NBN: variants seen among roughly 807,000 people sequenced by gnomAD.
NBN encodes Nijmegen breakage syndrome 1 (nibrin).
A neutral mutation model predicts 90.8 loss-of-function variants in NBN; 88 were observed. That is an observed-to-expected ratio of 0.97 (90% CI 0.82 to 1.16). The LOEUF (loss-of-function observed/expected upper bound fraction) is 1.16. NBN is among the 50% of genes most tolerant of loss of function. The pLI is 0.00. For synonymous variants in NBN, 328 were observed against 295.1 expected, an observed-to-expected ratio of 1.11 and a Z score of -1.14; for missense variants, 894 against 869.6, an observed-to-expected ratio of 1.03 and a Z score of -0.35.
In NBN at chr8:89,970,431, T is replaced by C. The variant is rs1563559349; in HGVS notation, c.829A>G (p.Asn277Asp). 2 of 1,614,054 alleles carry C rather than the reference T, an allele frequency of 1.2e-6. No homozygotes were observed. Among genetic ancestry groups the C allele is most frequent in the Non-Finnish European group, 8.5e-7 (1 of 1,179,936 alleles). ...GTCVVDTGIT[N>D]SQTLIPDCQK... is the part of the protein sequence containing the mutation. ...CAGTCAGGAATTAAGGTCTGTGAGT[T>C]TGTTATTCCTGTATCAACAACACAC... is the stretch of plus-strand genomic sequence containing the variant. The change falls in exon 7 of 16, where the codon AAC becomes GAC. Residue 277 changes from asparagine to aspartate, a missense_variant. Coordinates refer to ENST00000265433, the MANE Select transcript of NBN (RefSeq NM_002485.5).
At chr8:89,947,165 CTCTTA>C (rs1213075364) in intron 12 of NBN, among the ~76,000 whole-genome samples, 2 of 152,162 alleles carry the variant, frequency 1.3e-5, no homozygotes, top group African/African-American at 4.8e-5. Flanking sequence ...CCATCCATTA[CTCTTA>C]TCTGATATAA....
intron 14 of NBN, among the ~76,000 whole-genome samples, chr8:89,937,937 T>A (rs559144365): frequency 2.4e-3 from 359 of 152,308 alleles, no homozygotes; most frequent in Non-Finnish European, 4.0e-3. Flanking sequence ...AGTTAATTCC[T>A]TTTTTTCCCT....
intron 11 of NBN, among the ~76,000 whole-genome samples, chr8:89,949,405 T>C (rs1726047263): frequency 6.6e-6 from 1 of 152,212 alleles, no homozygotes; most frequent in African/African-American, 2.4e-5. Context: ...GAAAAAATGC[T>C]ATATAAAAAT....
intron 13 of NBN, 106 bp from the exon 14 acceptor site, chr8:89,943,472 A>G: frequency 8.7e-7 from 1 of 1,146,000 alleles, no homozygotes; most frequent in East Asian, 2.5e-5. Context: ...ATAAGTGCCA[A>G]AGATGTTTAT....
intron 11 of NBN, among the ~76,000 whole-genome samples, chr8:89,948,984 TTATCTTATATTCTTTCC>T (rs1267429309): frequency 6.6e-6 from 1 of 152,182 alleles, no homozygotes; most frequent in Non-Finnish European, 1.5e-5. Flanking sequence ...AGCTTGGAAA[TTATCTTATATTCTTTCC>T]TATCTATTTA....
chr8:89,950,712 G>A lies in NBN; in HGVS notation c.1845+2532C>T, dbSNP rs115286402. On this transcript the variant is annotated intron_variant, in intron 11 of 15. Transcript: ENST00000265433. Reference sequence around the variant, plus strand: ...TAAAATAATTATATTTCCTCATATCGTTATACCTCATATAAACCTTACATA... The same window carrying A: ...TAAAATAATTATATTTCCTCATATCATTATACCTCATATAAACCTTACATA... Among the ~76,000 whole-genome samples, 694 of 151,298 alleles carry A rather than the reference G, an allele frequency of 4.6e-3. 8 individuals are homozygous for A. Among genetic ancestry groups the A allele is most frequent in the African/African-American group, 0.016 (660 of 40,954 alleles).
intron 5 of NBN, among the ~76,000 whole-genome samples, chr8:89,977,573 C>T (rs1334925592): frequency 6.6e-6 from 1 of 152,050 alleles, no homozygotes; most frequent in Non-Finnish European, 1.5e-5. Context: ...GATTTTTAAT[C>T]CTTTGGGTAT....
intron 5 of NBN, among the ~76,000 whole-genome samples, chr8:89,974,755 T>C (rs1205392183): frequency 2.6e-5 from 4 of 152,166 alleles, no homozygotes; most frequent in African/African-American, 7.2e-5. Context: ...GAAGGAAACA[T>C]TACTTCATCC....
intron 5 of NBN, among the ~76,000 whole-genome samples, chr8:89,973,514 T>C (rs1033967397): frequency 6.6e-6 from 1 of 152,202 alleles, no homozygotes; most frequent in Non-Finnish European, 1.5e-5. Flanking sequence ...ATACCTACAT[T>C]TGATATATGA....
At chr8:89,966,902 G>C (rs889895929) in intron 7 of NBN, among the ~76,000 whole-genome samples, 5 of 152,110 alleles carry the variant, frequency 3.3e-5, no homozygotes, top group African/African-American at 7.2e-5. Context: ...CAGAATTCCA[G>C]ATAAGTTAAA....
rs761531329 is a variant in NBN at position 89,953,780 on chromosome 8, C to A, written c.1398-89G>T. ...GTTTGGCAATATTCATCACTCCCTC[C>A]ATTTAGTTCACAATGTACTCTTGAT... On this transcript the variant is annotated intron_variant, in intron 10 of 15. Coordinates refer to ENST00000265433, the MANE Select transcript of NBN (RefSeq NM_002485.5). The A allele has an allele frequency of 2.7e-4, 257 of 954,428 alleles. 1 individual carries two copies. Among genetic ancestry groups the A allele is most frequent in the Non-Finnish European group, 3.9e-4 (247 of 627,048 alleles). 59.1% of individuals were successfully genotyped at this position (954,428 alleles called of 1,614,324 possible). A position where few individuals can be genotyped will look rare whatever the true frequency, so the allele number is the denominator to read the frequency against.
Position 89,984,620 on chromosome 8 carries a change from G to T in NBN, c.-59C>A. ...AACCGCGTAACCGGGGCTGCTAGAC[G>T]AGCGCGGATACGGCGCCTGCGGTCG... On this transcript the variant is annotated 5_prime_UTR_variant, in exon 1 of 16. Transcript: ENST00000265433. 2 of 1,602,424 alleles carry T rather than the reference G, an allele frequency of 1.2e-6. No individual in the cohort carries two copies. The highest frequency in any genetic ancestry group is 1.7e-6 in the Non-Finnish European group (2 of 1,174,688).
chr8:89,981,324 T>A lies in NBN; in HGVS notation c.320+51A>T, dbSNP rs376171485. ...TCAGAAATATCATTTTCCTTTAGGATTTGGCTGAAACAAAGCTGTCCATTT... is the reference window on the plus strand; with the variant it reads ...TCAGAAATATCATTTTCCTTTAGGAATTGGCTGAAACAAAGCTGTCCATTT... On this transcript the variant is annotated intron_variant, in intron 3 of 15. Coordinates refer to ENST00000265433, the MANE Select transcript of NBN (RefSeq NM_002485.5). 2.0e-6 allele frequency: 3 copies of A among 1,536,556 alleles called. No individual in the cohort carries two copies. The African/African-American group carries it at 4.1e-5, about 21-fold the overall frequency.
Position 89,936,640 on chromosome 8 carries a change from C to A in NBN, c.2234+386G>T, listed in dbSNP as rs566267916. On this transcript the variant is annotated intron_variant, in intron 15 of 15. Coordinates refer to ENST00000265433, the MANE Select transcript of NBN (RefSeq NM_002485.5). ...AACCTGCTTTGAAACTTTAATCTAG[C>A]CTTTTGTTTTTATGCATGTGCCAAT... 2.0e-5 allele frequency among the ~76,000 whole-genome samples: 3 copies of A among 152,282 alleles called. No individual in the cohort carries two copies. In the South Asian group the frequency reaches 6.2e-4, roughly 32 times the overall value.
Position 89,934,263 on chromosome 8 carries a change from C to A in NBN, c.*1319G>T. Reference sequence around the variant, plus strand: ...ACTTCTAAAGTATCCCATGTTCTATCCAATGTCATACCACTATCATAATTT... The same window carrying A: ...ACTTCTAAAGTATCCCATGTTCTATACAATGTCATACCACTATCATAATTT... On this transcript the variant is annotated 3_prime_UTR_variant, in exon 16 of 16. Coordinates refer to ENST00000265433, the MANE Select transcript of NBN (RefSeq NM_002485.5). 3 of 232,212 alleles carry A rather than the reference C, an allele frequency of 1.3e-5. No individual in the cohort carries two copies. The highest frequency in any genetic ancestry group is 1.7e-5 in the Non-Finnish European group (2 of 117,426). The allele number at this position is 232,212 out of a possible 1,614,324, so 14.4% of individuals were successfully genotyped here.
At chr8:89,952,196 G>A (rs552009792) in intron 11 of NBN, among the ~76,000 whole-genome samples, 13 of 152,228 alleles carry the variant, frequency 8.5e-5, no homozygotes, top group African/African-American at 1.4e-4. Flanking sequence ...CCTATTTTAC[G>A]GAAGCCACTG....
At chr8:89,972,187 T>C (rs1811551153) in intron 5 of NBN, among the ~76,000 whole-genome samples, 1 of 152,232 alleles carries the variant, frequency 6.6e-6, no homozygotes. Flanking sequence ...TCCAGCACTT[T>C]AGAACTAATT....
At chr8:89,945,961 G>C (rs1345051966) in intron 13 of NBN, among the ~76,000 whole-genome samples, 179 bp downstream of exon 13, 4 of 152,096 alleles carry the variant, frequency 2.6e-5, no homozygotes. Flanking sequence ...TTCATTCTAG[G>C]TGTTCAATAT....
At chr8:89,970,182 G>A (rs1811437424) in intron 7 of NBN, among the ~76,000 whole-genome samples, 182 bp downstream of exon 7, 1 of 151,928 alleles carries the variant, frequency 6.6e-6, no homozygotes, top group African/African-American at 2.4e-5. Flanking sequence ...CCAGAAGGCA[G>A]AAGTTGCAGT....
Sources: allele counts gnomAD v4.1 joint callset (sites outside exome capture counted in the v4.1 genomes callset), GRCh38; gene constraint gnomAD v4.1.1; transcripts MANE v1.5; gene names NCBI Gene and HGNC (gene_info 2026-07-23, HGNC 2026-07-21).